Variants in EFCAB6 observed in about 807,000 individuals in gnomAD.
EFCAB6 encodes EF-hand calcium-binding domain-containing protein 6.
In EFCAB6, 156 loss-of-function variants were observed where a neutral mutation model predicts 169.8. That is an observed-to-expected ratio of 0.92 (90% CI 0.81 to 1.05). EFCAB6 has a LOEUF of 1.05. Ranked by LOEUF, EFCAB6 falls within the 50% of genes least tolerant of loss-of-function variation. The pLI is 0.00. For synonymous variants in EFCAB6, 698 were observed against 676.4 expected, an observed-to-expected ratio of 1.03 and a Z score of -0.50; for missense variants, 1,800 against 1,829.1, an observed-to-expected ratio of 0.98 and a Z score of 0.29.
At chr22:43,764,791 A>G (rs1426899875) in intron 5 of EFCAB6, among the ~76,000 whole-genome samples, 4 of 152,172 alleles carry the variant, frequency 2.6e-5, no homozygotes, top group African/African-American at 9.7e-5. Context: ...TGAGACATTA[A>G]AGGTCAAACT....
At chr22:43,730,873 G>A (rs183543529) in intron 8 of EFCAB6, among the ~76,000 whole-genome samples, 1 of 152,304 alleles carries the variant, frequency 6.6e-6, no homozygotes. Context: ...GCTAAAACCT[G>A]AGAATCTGCC....
intron 10 of EFCAB6, among the ~76,000 whole-genome samples, chr22:43,688,243 C>A (rs1301573583): frequency 6.6e-6 from 1 of 152,144 alleles, no homozygotes; most frequent in East Asian, 1.9e-4. Context: ...CCCCCAGATT[C>A]CCCAGAAGGA....
chr22:43,778,253 G>C (rs1158702990), intron 3 of EFCAB6, among the ~76,000 whole-genome samples: 2 of 152,224 alleles, frequency 1.3e-5, no homozygotes, highest in Non-Finnish European at 2.9e-5. Context: ...CTTGGTCACA[G>C]AGCAGGTCTG....
intron 10 of EFCAB6, among the ~76,000 whole-genome samples, chr22:43,709,944 T>G (rs866440239): frequency 2.6e-5 from 4 of 152,306 alleles, no homozygotes; most frequent in Middle Eastern, 6.8e-3. Flanking sequence ...TGGGGTGCTG[T>G]GGGGAATGGA....
At chr22:43,745,086 C>T (rs1171153699) in intron 6 of EFCAB6, among the ~76,000 whole-genome samples, 1 of 152,212 alleles carries the variant, frequency 6.6e-6, no homozygotes, top group East Asian at 1.9e-4. Flanking sequence ...AATCAAACTG[C>T]TTCATATTTG....
intron 6 of EFCAB6, among the ~76,000 whole-genome samples, chr22:43,738,489 A>G (rs1373656792): frequency 6.7e-6 from 1 of 148,966 alleles, no homozygotes; most frequent in Non-Finnish European, 1.5e-5. Flanking sequence ...TCACACACAC[A>G]CATGCACATA....
chr22:43,623,705 C>T lies in EFCAB6; in HGVS notation c.2465+2742G>A, dbSNP rs1386450230. Among the ~76,000 whole-genome samples the T allele has an allele frequency of 3.5e-5, 5 of 141,646 alleles. 1 individual carries two copies. The highest frequency in any genetic ancestry group is 2.9e-4 in the Admixed American group (4 of 13,614). The allele number at this position is 141,646 out of a possible 152,430, so 92.9% of individuals were successfully genotyped here. On this transcript the variant is annotated intron_variant, in intron 20 of 31. Transcript: ENST00000262726. ...GGTCAGGAGATCGAGACCATCCTGG[C>T]TAACATAGTGAAACCCCGTCTCTAC...
chr22:43,599,880 T>C (rs1312727172), intron 23 of EFCAB6, among the ~76,000 whole-genome samples, 189 bp downstream of exon 23: 1 of 152,224 alleles, frequency 6.6e-6, no homozygotes, highest in Non-Finnish European at 1.5e-5. Context: ...TAAGATGGAA[T>C]GGGCTATAGC....
rs2047295032 is a variant in EFCAB6, at chr22:43,534,885, A to C, written c.4049-13T>G. On this transcript the variant is annotated splice_polypyrimidine_tract_variant and intron_variant, in intron 29 of 31. Transcript: ENST00000262726. ...TTCTCCACAAGAGCTACAGAAAAAA[A>C]TGGCAGTTCAATTGGTGGCGATTCA... 3 of 1,591,896 alleles carry C rather than the reference A, an allele frequency of 1.9e-6. No individual in the cohort carries two copies. Among genetic ancestry groups the C allele is most frequent in the African/African-American group, 1.4e-5 (1 of 73,972 alleles).
chr22:43,724,135 A>C (rs1316971377), intron 8 of EFCAB6, among the ~76,000 whole-genome samples: 2 of 152,160 alleles, frequency 1.3e-5, no homozygotes, highest in African/African-American at 2.4e-5. Flanking sequence ...AAAAGTAACC[A>C]TGCAGCACCT....
rs143033980 is a variant in EFCAB6 at position 43,742,752 on chromosome 22, G to A, written c.508-6759C>T. Among the ~76,000 whole-genome samples the A allele has an allele frequency of 3.3e-5, 5 of 152,360 alleles. No individual in the cohort carries two copies. The East Asian group carries it at 5.8e-4, about 18-fold the overall frequency. ...TCAGGGCCATATGCTAGCCCTGTGC[G>A]TGAGCAGGTGCTGCCCTCCCGGCAC... On this transcript the variant is annotated intron_variant, in intron 6 of 31. Coordinates refer to ENST00000262726, the MANE Select transcript of EFCAB6 (RefSeq NM_022785.4).
chr22:43,776,303 C>T (rs891255910), intron 3 of EFCAB6, among the ~76,000 whole-genome samples: 2 of 152,162 alleles, frequency 1.3e-5, no homozygotes, highest in Non-Finnish European at 2.9e-5. Flanking sequence ...CGAAAAATGT[C>T]GTATGTCAAC....
At chr22:43,652,917 T>A (rs1300125118) in intron 17 of EFCAB6, among the ~76,000 whole-genome samples, 1 of 151,988 alleles carries the variant, frequency 6.6e-6, no homozygotes, top group Non-Finnish European at 1.5e-5. Context: ...AATAACCTAA[T>A]GAGCATCCCA....
chr22:43,799,360 A>ACACACAC (rs2062624759), intron 2 of EFCAB6, among the ~76,000 whole-genome samples: 1 of 103,320 alleles, frequency 9.7e-6, no homozygotes, highest in Non-Finnish European at 2.2e-5. Context: ...CACACACACA[A>ACACACAC]ACATGTACAA....
At chr22:43,802,991 C>T (rs2062783029) in intron 2 of EFCAB6, among the ~76,000 whole-genome samples, 1 of 152,212 alleles carries the variant, frequency 6.6e-6, no homozygotes, top group Non-Finnish European at 1.5e-5. Context: ...TTTTGAGAGA[C>T]TTCCTCTTGG....
rs760891847 is a variant in EFCAB6, at chr22:43,600,212, T to C, written c.2733A>G (p.Lys911=). The change falls in exon 23 of 32, where the codon AAA becomes AAG. Residue 911 remains lysine, a synonymous_variant. Coordinates refer to ENST00000262726, the MANE Select transcript of EFCAB6 (RefSeq NM_022785.4). ...GHITYQEFLQ[K]LGINYSPAVH... is the part of the protein sequence containing the mutation. ...CAGCAGGCGAATAGTTAATACCCAATTTCTGTAAAAATTCCTGGTAAGTAA... is the reference window on the plus strand; with the variant it reads ...CAGCAGGCGAATAGTTAATACCCAACTTCTGTAAAAATTCCTGGTAAGTAA... The C allele has an allele frequency of 6.2e-7, 1 of 1,614,152 alleles. No homozygotes were observed. The highest frequency in any genetic ancestry group is 1.1e-5 in the South Asian group (1 of 91,068).
chr22:43,570,335 T>A (rs937640889), intron 26 of EFCAB6, among the ~76,000 whole-genome samples: 2 of 152,216 alleles, frequency 1.3e-5, no homozygotes, highest in Non-Finnish European at 2.9e-5. Context: ...TATGGGTTTC[T>A]ACTATGTCTT....
chr22:43,755,617 G>T, intron 6 of EFCAB6, 149 bp downstream of exon 6: 1 of 715,382 alleles, frequency 1.4e-6, no homozygotes, highest in Non-Finnish European at 2.2e-6. Flanking sequence ...GCACTGGCTT[G>T]TTATCAGAAG....
chr22:43,742,411 C>A (rs528201181), intron 6 of EFCAB6, among the ~76,000 whole-genome samples: 7 of 152,296 alleles, frequency 4.6e-5, no homozygotes, highest in African/African-American at 1.4e-4. Context: ...GGAAAAAGTT[C>A]ACTGACCCAT....
Sources: gnomAD v4.1 joint callset for allele counts (sites outside exome capture counted in the v4.1 genomes callset) on GRCh38, gnomAD v4.1.1 for gene constraint, MANE v1.5 for transcripts, NCBI Gene and HGNC (gene_info 2026-07-23, HGNC 2026-07-21) for gene names.